PTPRD: variants seen among roughly 807,000 people sequenced by gnomAD.
PTPRD encodes receptor-type tyrosine-protein phosphatase delta.
PTPRD carries 34 observed loss-of-function variants against 214.5 expected under a neutral mutation model. The observed-to-expected ratio is 0.16, with a 90% CI of 0.12 to 0.21. The LOEUF (loss-of-function observed/expected upper bound fraction) is 0.21, where lower values mean the gene tolerates loss of function less well. Among genes scored for constraint, PTPRD ranks in the 10% least tolerant of loss-of-function variants. The probability of loss-of-function intolerance (pLI) is 1.00; values close to 1 mark genes in which losing one functional copy is unlikely to be tolerated. For synonymous variants in PTPRD, 1,128 were observed against 845.7 expected (o/e 1.33, Z -5.79); for missense variants, 2,545 against 2,398.7 (o/e 1.06, Z -1.27).
At chr9:9,257,411 C>T (rs974273925) in intron 9 of PTPRD, among the ~76,000 whole-genome samples, 4 of 151,920 alleles carry the variant, frequency 2.6e-5, no homozygotes, top group Non-Finnish European at 5.9e-5. Flanking sequence ...ACCCCAAGCT[C>T]TTAGTCATCA....
chr9:9,213,086 A>T (rs1425493977), intron 9 of PTPRD, among the ~76,000 whole-genome samples: 1 of 152,220 alleles, frequency 6.6e-6, no homozygotes, highest in Non-Finnish European at 1.5e-5. Flanking sequence ...AACGATGCAC[A>T]TCAAATCCCA....
At chr9:8,585,997 T>C (rs2093623346) in intron 14 of PTPRD, among the ~76,000 whole-genome samples, 1 of 152,092 alleles carries the variant, frequency 6.6e-6, no homozygotes, top group African/African-American at 2.4e-5. Context: ...ACAATAGGCA[T>C]TACTTTTAAA....
chr9:9,473,056 A>G (rs2094740636), intron 8 of PTPRD, among the ~76,000 whole-genome samples: 1 of 152,196 alleles, frequency 6.6e-6, no homozygotes, highest in Admixed American at 6.5e-5. Flanking sequence ...ACAGAACATT[A>G]AAATTTATTC....
chr9:8,869,553 A>C (rs1255504890), intron 11 of PTPRD, among the ~76,000 whole-genome samples: 1 of 152,082 alleles, frequency 6.6e-6, no homozygotes, highest in Non-Finnish European at 1.5e-5. Flanking sequence ...CAGGAGTCAG[A>C]ATTGTTGGCA....
At chr9:10,344,503 G>A (rs2097025526) in intron 2 of PTPRD, among the ~76,000 whole-genome samples, 1 of 152,006 alleles carries the variant, frequency 6.6e-6, no homozygotes, top group South Asian at 2.1e-4. Context: ...GGATTGTCTT[G>A]GCAATGTAGG....
chr9:8,729,940 C>T (rs562765919), intron 12 of PTPRD, among the ~76,000 whole-genome samples: 5 of 152,230 alleles, frequency 3.3e-5, no homozygotes, highest in Non-Finnish European at 1.5e-5. Context: ...GAGGGACTCA[C>T]TGCTTCCATA....
intron 3 of PTPRD, among the ~76,000 whole-genome samples, chr9:10,242,070 A>G (rs1203234499): frequency 2.0e-5 from 3 of 151,952 alleles, no homozygotes; most frequent in African/African-American, 7.2e-5. Context: ...CCATGAATTA[A>G]AGACTATATG....
chr9:9,403,060 CGAG>C (rs1275659747), intron 8 of PTPRD, among the ~76,000 whole-genome samples: 1 of 148,716 alleles, frequency 6.7e-6, no homozygotes, highest in African/African-American at 2.5e-5. Flanking sequence ...CAGCCAAAGG[CGAG>C]TGGATCACTT....
intron 27 of PTPRD, among the ~76,000 whole-genome samples, chr9:8,491,536 C>A (rs1353376503): frequency 6.6e-6 from 1 of 151,524 alleles, no homozygotes; most frequent in Non-Finnish European, 1.5e-5. Flanking sequence ...AGATTCAATT[C>A]TTTGTTGTTG....
chr9:8,572,353 C>T (rs892505866), intron 14 of PTPRD, among the ~76,000 whole-genome samples: 1 of 151,878 alleles, frequency 6.6e-6, no homozygotes, highest in African/African-American at 2.4e-5. Flanking sequence ...ATAAAAAGTC[C>T]CAGGTTTATG....
chr9:8,318,707 T>C (rs371395833), intron 45 of PTPRD, among the ~76,000 whole-genome samples: 8 of 152,048 alleles, frequency 5.3e-5, no homozygotes, highest in African/African-American at 1.9e-4. Context: ...GCTAGTTGTC[T>C]GTTTTAGAGA....
At chr9:8,636,603 C>T (rs753836332) in intron 13 of PTPRD, 96 bp downstream of exon 13, 5 of 1,406,500 alleles carry the variant, frequency 3.6e-6, no homozygotes, top group Non-Finnish European at 4.9e-6. Flanking sequence ...ATATCAGTGA[C>T]ACCTTTTATC....
chr9:8,436,723 A>C, intron 34 of PTPRD, 34 bp from the exon 35 acceptor site: 1 of 1,511,104 alleles, frequency 6.6e-7, no homozygotes, highest in Non-Finnish European at 9.2e-7. Flanking sequence ...ACACATTTGA[A>C]AACAAATGAA....
intron 21 of PTPRD, among the ~76,000 whole-genome samples, chr9:8,513,732 G>A (rs1563974182): frequency 1.3e-5 from 2 of 151,990 alleles, no homozygotes; most frequent in South Asian, 2.1e-4. Flanking sequence ...TTCTTAAGGA[G>A]CAGCTCGGCA....
chr9:8,465,243 G>C lies in PTPRD; in HGVS notation c.3714+223C>G, dbSNP rs148450092. 1.6e-4 allele frequency among the ~76,000 whole-genome samples: 25 copies of C among 151,934 alleles called. 1 individual carries two copies. The East Asian group carries it at 4.3e-3, about 26-fold the overall frequency. On this transcript the variant is annotated intron_variant, in intron 32 of 45. Transcript: ENST00000381196. ...TCGATCTGGAACTTCATAAACTAGA[G>C]GGCCACCTAAATTTCCTTCATCAGA...
At chr9:8,779,592 T>C (rs1266446975) in intron 11 of PTPRD, among the ~76,000 whole-genome samples, 10 of 152,178 alleles carry the variant, frequency 6.6e-5, no homozygotes, top group Admixed American at 4.6e-4. Flanking sequence ...CTTTCTCTAA[T>C]TCTCCCATCC....
chr9:8,351,406 C>CT lies in PTPRD; in HGVS notation c.4662-9429dup, dbSNP rs35280197. Among the ~76,000 whole-genome samples the CT allele has an allele frequency of 9.6e-3, 1,416 of 147,330 alleles. 16 individuals are homozygous for CT. The highest frequency in any genetic ancestry group is 0.03 in the African/African-American group (1,223 of 40,160). On this transcript the variant is annotated intron_variant, in intron 39 of 45. Transcript: ENST00000381196. ...CTTTAGTTGAAGTATTTTTTTGTAG[C>CT]TTTTTTTTTTAACAAGGATAACATA...
intron 4 of PTPRD, among the ~76,000 whole-genome samples, chr9:9,982,108 C>T (rs971776529): frequency 6.6e-6 from 1 of 152,108 alleles, no homozygotes; most frequent in African/African-American, 2.4e-5. Flanking sequence ...CTTCTTGAGC[C>T]GAACATATGG....
chr9:10,164,387 G>A (rs2099146530), intron 3 of PTPRD, among the ~76,000 whole-genome samples: 1 of 151,342 alleles, frequency 6.6e-6, no homozygotes, highest in Non-Finnish European at 1.5e-5. Context: ...GAGTTTTCCA[G>A]ATTCACTGTT....
Sources: allele counts gnomAD v4.1 joint callset (sites outside exome capture counted in the v4.1 genomes callset), GRCh38; gene constraint gnomAD v4.1.1; transcripts MANE v1.5; gene names NCBI Gene and HGNC (gene_info 2026-07-23, HGNC 2026-07-21).